DLC1: variants seen among roughly 807,000 people sequenced by gnomAD.
The protein encoded by DLC1 is DLC1 Rho GTPase activating protein.
Under a neutral mutation model 140.3 loss-of-function variants are expected in DLC1, and 54 were observed. The observed-to-expected ratio is 0.38, with a 90% confidence interval of 0.31 to 0.48. DLC1 has a LOEUF of 0.48. Ranked by LOEUF, DLC1 falls within the 20% of genes least tolerant of loss-of-function variation. DLC1 has a pLI of 0.96. For missense variants in DLC1, 2,536 were observed against 1,907.0 expected (o/e 1.33, Z -6.14); for synonymous variants, 986 against 728.1 (o/e 1.35, Z -5.70).
Position 13,099,387 on chromosome 8 carries a change from T to A in DLC1, c.2950A>T (p.Arg984Trp), listed in dbSNP as rs1193782272. 5.0e-6 allele frequency: 8 copies of A among 1,613,836 alleles called. No individual in the cohort carries two copies. Among genetic ancestry groups the A allele is most frequent in the Non-Finnish European group, 6.8e-6 (8 of 1,179,992 alleles). Reference sequence around the variant, plus strand: ...AGGGAAGCCCCAACCCCAGAATCCCTTCTTTCCGGGATCTCGGAGGGCTCT... The same window carrying A: ...AGGGAAGCCCCAACCCCAGAATCCCATCTTTCCGGGATCTCGGAGGGCTCT... Reference protein sequence around the residue: ...PEEPSEIPERRDSGVGASLTR... With the variant: ...PEEPSEIPERWDSGVGASLTR... The change falls in exon 9 of 18, where the codon AGG becomes TGG. Residue 984 changes from arginine to tryptophan, a missense_variant. Transcript: ENST00000276297.
At chr8:13,474,449 C>T (rs1258275836) in intron 2 of DLC1, among the ~76,000 whole-genome samples, 3 of 152,166 alleles carry the variant, frequency 2.0e-5, no homozygotes, top group African/African-American at 7.2e-5. Flanking sequence ...GGGGTCAGAA[C>T]CCCCAAGTAG....
At chr8:13,564,849 G>A (rs1322041996) in intron 1 of DLC1, among the ~76,000 whole-genome samples, 3 of 152,160 alleles carry the variant, frequency 2.0e-5, no homozygotes, top group Admixed American at 6.5e-5. Context: ...GGCATAGCAA[G>A]GTTAGGCCAA....
At chr8:13,558,856 G>T (rs1248287808) in intron 1 of DLC1, 1 of 152,126 alleles carries the variant, frequency 6.6e-6, no homozygotes, top group African/African-American at 2.4e-5. Context: ...GTTCAGGAGG[G>T]CCGATGACTT....
At chr8:13,342,548 A>C (rs28626397) in intron 4 of DLC1, 9,630 of 152,296 alleles carry the variant, frequency 0.063, 439 homozygotes, top group African/African-American at 0.12. Context: ...TGAAGGCCTT[A>C]AGAGGAAAGA....
intron 1 of DLC1, among the ~76,000 whole-genome samples, chr8:13,549,086 TCCAC>T (rs1803759074): frequency 6.6e-6 from 1 of 152,042 alleles, no homozygotes; most frequent in South Asian, 2.1e-4. Context: ...GAAATGAGTC[TCCAC>T]CTACAGATGA....
chr8:13,124,582 C>T (rs1563646628), intron 5 of DLC1, among the ~76,000 whole-genome samples: 2 of 152,228 alleles, frequency 1.3e-5, no homozygotes, highest in African/African-American at 4.8e-5. Flanking sequence ...TTCTGATACT[C>T]TATCACAGAG....
intron 4 of DLC1, chr8:13,338,779 A>C (rs1671349): frequency 0.8 from 122,406 of 152,188 alleles, 50,327 homozygotes; most frequent in East Asian, 0.97. Flanking sequence ...AACTAGCGAC[A>C]TGGAATCTTC....
At chr8:13,512,599 C>T (rs1195995094) in intron 1 of DLC1, among the ~76,000 whole-genome samples, 1 of 151,926 alleles carries the variant, frequency 6.6e-6, no homozygotes, top group African/African-American at 2.4e-5. Flanking sequence ...TGAAAAGACC[C>T]ACATAGAACT....
At chr8:13,306,596 G>C (rs976345521) in intron 4 of DLC1, among the ~76,000 whole-genome samples, 6 of 151,712 alleles carry the variant, frequency 4.0e-5, no homozygotes, top group Non-Finnish European at 8.8e-5. Flanking sequence ...GAGAGAGAGA[G>C]AGAGAGGCCC....
chr8:13,530,462 A>G (rs1310542675), intron 1 of DLC1, among the ~76,000 whole-genome samples: 1 of 152,192 alleles, frequency 6.6e-6, no homozygotes, highest in African/African-American at 2.4e-5. Flanking sequence ...TTTTGCTTTC[A>G]TTCTCTGAAG....
At chr8:13,285,096 ATGT>A (rs1017386549) in intron 5 of DLC1, among the ~76,000 whole-genome samples, 6 of 152,156 alleles carry the variant, frequency 3.9e-5, no homozygotes, top group African/African-American at 1.4e-4. Flanking sequence ...GTGAAGAGTG[ATGT>A]TGGAGGATTT....
chr8:13,450,432 G>T (rs1024023927), intron 2 of DLC1, among the ~76,000 whole-genome samples: 3 of 117,302 alleles, frequency 2.6e-5, no homozygotes, highest in African/African-American at 1.0e-4. Flanking sequence ...TCCAGCCTGG[G>T]CAACAGAGTG....
In DLC1 at chr8:13,205,038, T is replaced by G. The variant is rs186326055; in HGVS notation, c.1349-89381A>C. ...AGTCTTGCAACATGGCATTTTGCAATCCCATGTTAAAATGAGGCTATTATA... is the reference window on the plus strand; with the variant it reads ...AGTCTTGCAACATGGCATTTTGCAAGCCCATGTTAAAATGAGGCTATTATA... On this transcript the variant is annotated intron_variant, in intron 5 of 17. Transcript: ENST00000276297. 4.6e-5 allele frequency among the ~76,000 whole-genome samples: 7 copies of G among 152,128 alleles called. No individual in the cohort carries two copies. The East Asian group carries it at 1.4e-3, about 30-fold the overall frequency.
At chr8:13,209,247 A>G (rs1827821598) in intron 5 of DLC1, among the ~76,000 whole-genome samples, 1 of 152,148 alleles carries the variant, frequency 6.6e-6, no homozygotes, top group African/African-American at 2.4e-5. Flanking sequence ...TTATAAATCT[A>G]TAGATAGATA....
chr8:13,289,718 G>T (rs950666653), intron 5 of DLC1, among the ~76,000 whole-genome samples: 1 of 152,200 alleles, frequency 6.6e-6, no homozygotes, highest in Non-Finnish European at 1.5e-5. Context: ...GGAGAAGGGG[G>T]TATACAACGC....
At chr8:13,308,334 T>C (rs1385683892) in intron 4 of DLC1, among the ~76,000 whole-genome samples, 2 of 152,158 alleles carry the variant, frequency 1.3e-5, no homozygotes, top group South Asian at 2.1e-4. Flanking sequence ...TATTACAATG[T>C]AGAGAAAGGA....
In DLC1 at chr8:13,308,608, C is replaced by A. The variant is rs114271038; in HGVS notation, c.1315-3306G>T. 9.9e-3 allele frequency among the ~76,000 whole-genome samples: 1,501 copies of A among 152,166 alleles called. 21 individuals are homozygous for A. Among genetic ancestry groups the A allele is most frequent in the African/African-American group, 0.034 (1,410 of 41,522 alleles). ...GGATTGTTAATTCTTAATTACATGC[C>A]TCACATTATCCTAGATAAAAAAACT... On this transcript the variant is annotated intron_variant, in intron 4 of 17. Transcript: ENST00000276297.
At chr8:13,477,295 T>A (rs1800477793) in intron 2 of DLC1, among the ~76,000 whole-genome samples, 1 of 152,216 alleles carries the variant, frequency 6.6e-6, no homozygotes, top group Non-Finnish European at 1.5e-5. Flanking sequence ...GATGTAGCTT[T>A]GGTAATTTAA....
chr8:13,294,608 G>A (rs1237062758), intron 5 of DLC1, among the ~76,000 whole-genome samples: 2 of 152,148 alleles, frequency 1.3e-5, no homozygotes, highest in Non-Finnish European at 2.9e-5. Context: ...GAAAAGTGAG[G>A]TTGTTACCAT....
Sources: allele counts gnomAD v4.1 joint callset (sites outside exome capture counted in the v4.1 genomes callset), GRCh38; gene constraint gnomAD v4.1.1; transcripts MANE v1.5; gene names NCBI Gene and HGNC (gene_info 2026-07-23, HGNC 2026-07-21).